Variants in NLGN1 observed in about 807,000 individuals in gnomAD.
NLGN1 encodes the protein neuroligin-1.
NLGN1 carries 12 observed loss-of-function variants against 65.5 expected under a neutral mutation model. That is an observed-to-expected ratio of 0.18 (90% confidence interval 0.12 to 0.30). The LOEUF (loss-of-function observed/expected upper bound fraction) is 0.30. Among genes scored for constraint, NLGN1 ranks in the 10% least tolerant of loss-of-function variants. NLGN1 has a pLI of 1.00. For synonymous variants in NLGN1, 350 were observed against 359.5 expected, an observed-to-expected ratio of 0.97 and a Z score of 0.30; for missense variants, 750 against 1,007.1, an observed-to-expected ratio of 0.74 and a Z score of 3.46.
intron 2 of NLGN1, among the ~76,000 whole-genome samples, chr3:173,545,394 C>T (rs542335650): frequency 6.6e-6 from 1 of 151,802 alleles, no homozygotes; most frequent in South Asian, 2.1e-4. Context: ...TTTTTATTAT[C>T]AAAGATGAAT....
At chr3:173,853,994 A>G (rs773943000) in intron 4 of NLGN1, among the ~76,000 whole-genome samples, 2 of 152,050 alleles carry the variant, frequency 1.3e-5, no homozygotes, top group South Asian at 4.1e-4. Flanking sequence ...ATGTAAAAAT[A>G]CTATACCTTT....
At chr3:173,574,903 C>G (rs1745266403) in intron 2 of NLGN1, among the ~76,000 whole-genome samples, 1 of 151,924 alleles carries the variant, frequency 6.6e-6, no homozygotes, top group Admixed American at 6.5e-5. Flanking sequence ...TTAAAAAACA[C>G]AGACAGGATC....
At chr3:174,292,678 G>A in the NLGN1 span, among the ~76,000 whole-genome samples, 44 of 151,566 alleles carry the variant, frequency 2.9e-4, 1 homozygote, top group African/African-American at 1.0e-3. Context: ...CTTTGTAGAA[G>A]TTATTTCAGC....
chr3:173,667,705 C>T (rs999959664), intron 3 of NLGN1, among the ~76,000 whole-genome samples: 2 of 152,176 alleles, frequency 1.3e-5, no homozygotes, highest in Non-Finnish European at 2.9e-5. Flanking sequence ...TCTTGGCTCA[C>T]TGCAACCTCC....
chr3:174,093,348 TA>T (rs1744890328), intron 4 of NLGN1, among the ~76,000 whole-genome samples: 1 of 152,198 alleles, frequency 6.6e-6, no homozygotes, highest in Non-Finnish European at 1.5e-5. Context: ...CTTTCTTTAC[TA>T]AAATTCTACA....
chr3:173,539,630 A>C (rs1440927191), intron 2 of NLGN1, among the ~76,000 whole-genome samples: 2 of 132,852 alleles, frequency 1.5e-5, no homozygotes, highest in African/African-American at 5.7e-5. Context: ...ATATTTATAT[A>C]TACACATATA....
chr3:174,233,818 A>AT (rs1741170518), intron 4 of NLGN1, among the ~76,000 whole-genome samples: 1 of 152,214 alleles, frequency 6.6e-6, no homozygotes, highest in Admixed American at 6.5e-5. Flanking sequence ...TAATGGTATT[A>AT]TTAAGTCCAC....
intron 4 of NLGN1, among the ~76,000 whole-genome samples, chr3:173,938,569 A>G (rs1221215885): frequency 6.6e-6 from 1 of 152,186 alleles, no homozygotes; most frequent in Non-Finnish European, 1.5e-5. Flanking sequence ...ATATACTGCT[A>G]TCACATACAA....
At chr3:173,418,049 A>T (rs931314407) in intron 1 of NLGN1, among the ~76,000 whole-genome samples, 2 of 151,326 alleles carry the variant, frequency 1.3e-5, no homozygotes, top group South Asian at 2.1e-4. Flanking sequence ...TTATTTGTTT[A>T]TGTGTGTGTG....
chr3:173,699,075 C>T (rs1287003156), intron 3 of NLGN1, among the ~76,000 whole-genome samples: 1 of 152,046 alleles, frequency 6.6e-6, no homozygotes, highest in African/African-American at 2.4e-5. Flanking sequence ...AGGCTGGTCT[C>T]AAATTCCCGA....
intron 4 of NLGN1, among the ~76,000 whole-genome samples, chr3:173,949,517 G>A (rs1747797104): frequency 6.6e-6 from 1 of 152,002 alleles, no homozygotes; most frequent in African/African-American, 2.4e-5. Flanking sequence ...TAGACTCTGG[G>A]GTAAAAGAGG....
intron 4 of NLGN1, among the ~76,000 whole-genome samples, chr3:174,112,194 G>A (rs1181976148): frequency 6.6e-6 from 1 of 151,784 alleles, no homozygotes; most frequent in Non-Finnish European, 1.5e-5. Flanking sequence ...AAACAGTCCT[G>A]GTGTACGAGG....
intron 4 of NLGN1, among the ~76,000 whole-genome samples, chr3:173,909,880 G>A (rs1048107357): frequency 2.0e-5 from 3 of 152,132 alleles, no homozygotes; most frequent in Admixed American, 1.3e-4. Flanking sequence ...GTTTCTCCAC[G>A]TTGGTCAGGC....
At chr3:173,989,385 A>G (rs1720615313) in intron 4 of NLGN1, among the ~76,000 whole-genome samples, 1 of 152,184 alleles carries the variant, frequency 6.6e-6, no homozygotes, top group Admixed American at 6.5e-5. Flanking sequence ...TCTTTGGCCA[A>G]AATTTCCTCT....
At chr3:173,936,571 T>C (rs1383085721) in intron 4 of NLGN1, among the ~76,000 whole-genome samples, 2 of 152,078 alleles carry the variant, frequency 1.3e-5, no homozygotes, top group Non-Finnish European at 2.9e-5. Flanking sequence ...TTTCACAAGT[T>C]TTTACATTAA....
intron 2 of NLGN1, among the ~76,000 whole-genome samples, chr3:173,570,135 T>A (rs1199546756): frequency 6.6e-6 from 1 of 152,024 alleles, no homozygotes; most frequent in East Asian, 1.9e-4. Context: ...AGGGGTGAGG[T>A]AGGATAGATT....
At chr3:174,218,226 C>T (rs1055797164) in intron 4 of NLGN1, among the ~76,000 whole-genome samples, 1 of 152,026 alleles carries the variant, frequency 6.6e-6, no homozygotes, top group African/African-American at 2.4e-5. Context: ...TAATACCATT[C>T]ATTGATTACC....
intron 2 of NLGN1, among the ~76,000 whole-genome samples, chr3:173,482,693 G>A (rs991165877): frequency 4.0e-5 from 6 of 151,872 alleles, no homozygotes; most frequent in African/African-American, 1.5e-4. Flanking sequence ...AGAGAGCTGA[G>A]TGAAGTGAGG....
intron 4 of NLGN1, among the ~76,000 whole-genome samples, chr3:173,866,276 C>T (rs567394424): frequency 8.5e-5 from 13 of 152,192 alleles, no homozygotes; most frequent in African/African-American, 2.6e-4. Flanking sequence ...CGCTTGAACC[C>T]GGGAGGCGGA....
Sources: gnomAD v4.1 joint callset for allele counts (sites outside exome capture counted in the v4.1 genomes callset) on GRCh38, gnomAD v4.1.1 for gene constraint, MANE v1.5 for transcripts, NCBI Gene and HGNC (gene_info 2026-07-23, HGNC 2026-07-21) for gene names.